COL8A1: variants seen among roughly 807,000 people sequenced by gnomAD.
COL8A1 encodes collagen alpha-1(VIII) chain.
COL8A1 carries 21 observed loss-of-function variants against 42.7 expected under a neutral mutation model. The observed-to-expected ratio is 0.49, with a 90% CI of 0.35 to 0.71. The LOEUF (loss-of-function observed/expected upper bound fraction) is 0.71, where lower values mean the gene tolerates loss of function less well. Ranked by LOEUF, COL8A1 falls within the 30% of genes least tolerant of loss-of-function variation. The probability of loss-of-function intolerance (pLI) is 0.01; values close to 1 mark genes in which losing one functional copy is unlikely to be tolerated. For missense variants in COL8A1, 788 were observed against 962.4 expected (o/e 0.82, Z 2.40); for synonymous variants, 367 against 369.1 (o/e 0.99, Z 0.06).
At chr3:99,785,742 G>A (rs1285143549) in intron 2 of COL8A1, among the ~76,000 whole-genome samples, 4 of 152,154 alleles carry the variant, frequency 2.6e-5, no homozygotes, top group East Asian at 1.9e-4. Flanking sequence ...GTGTGAAGAC[G>A]CAGGGAGGTG....
chr3:99,718,591 G>A (rs1312102646), intron 1 of COL8A1, among the ~76,000 whole-genome samples: 2 of 151,962 alleles, frequency 1.3e-5, no homozygotes, highest in African/African-American at 4.8e-5. Flanking sequence ...ACTTGAAACT[G>A]CCCAAGTGAC....
In COL8A1 at chr3:99,746,847, A is replaced by C. The variant is rs576889044; in HGVS notation, c.-4+1826A>C. 3.9e-5 allele frequency among the ~76,000 whole-genome samples: 6 copies of C among 152,344 alleles called. No individual in the cohort carries two copies. In the South Asian group the frequency reaches 1.0e-3, roughly 26 times the overall value. On this transcript the variant is annotated intron_variant, in intron 2 of 3. Coordinates refer to ENST00000652472, the MANE Select transcript of COL8A1 (RefSeq NM_020351.4). Reference sequence around the variant, plus strand: ...GATAAGTTTGTCAGTGAAAATAACCAGCTGAAAGTATTTTTAAATGAATTT... The same window carrying C: ...GATAAGTTTGTCAGTGAAAATAACCCGCTGAAAGTATTTTTAAATGAATTT...
At chr3:99,653,450 C>G (rs560768603) in intron 1 of COL8A1, among the ~76,000 whole-genome samples, 2 of 152,000 alleles carry the variant, frequency 1.3e-5, no homozygotes, top group Admixed American at 6.6e-5. Flanking sequence ...CAAATGGCAA[C>G]AGTTCAATCT....
At chr3:99,766,862 T>A (rs924250457) in intron 2 of COL8A1, among the ~76,000 whole-genome samples, 13 of 151,784 alleles carry the variant, frequency 8.6e-5, no homozygotes, top group Admixed American at 3.9e-4. Context: ...GGCAGGAGAA[T>A]CGCTTGAACT....
intron 1 of COL8A1, among the ~76,000 whole-genome samples, chr3:99,733,747 T>C (rs1370627760): frequency 6.6e-6 from 1 of 151,378 alleles, no homozygotes; most frequent in Non-Finnish European, 1.5e-5. Flanking sequence ...AGGGTTGAAC[T>C]AGTTTACAGT....
intron 1 of COL8A1, among the ~76,000 whole-genome samples, chr3:99,739,937 C>T (rs1170216431): frequency 3.3e-5 from 5 of 152,128 alleles, no homozygotes; most frequent in African/African-American, 4.8e-5. Flanking sequence ...AATCTTTATC[C>T]TCTGCTTCCT....
At chr3:99,712,703 A>C (rs1939874205) in intron 1 of COL8A1, among the ~76,000 whole-genome samples, 1 of 152,138 alleles carries the variant, frequency 6.6e-6, no homozygotes, top group Non-Finnish European at 1.5e-5. Context: ...CTAAGGAAGA[A>C]ATCCCAGAAC....
rs925359051 is a variant in COL8A1, at chr3:99,790,786, C to T, written c.104C>T (p.Pro35Leu). The T allele has an allele frequency of 1.4e-5, 23 of 1,614,028 alleles. No individual in the cohort carries two copies. Among genetic ancestry groups the T allele is most frequent in the Admixed American group, 3.3e-5 (2 of 60,004 alleles). ...IQAGAYYGIK[P>L]LPPQIPPQMP... The stretch of plus-strand genomic sequence containing the variant: ...GCTGGTGCCTACTATGGGATCAAGC[C>T]GCTGCCACCTCAAATTCCTCCTCAG... Residue 35 changes from proline to leucine, a missense_variant, in exon 3 of 4, where the codon CCG (proline) becomes CTG (leucine). Physicochemically the swap from Pro to Leu is moderately conservative, Grantham distance 98. This residue lies in a region of COL8A1 where 421 missense variants were observed against 553.1 expected (regional missense o/e 0.76). Transcript: ENST00000652472.
At chr3:99,759,363 TTCTAAA>T (rs1941322631) in intron 2 of COL8A1, among the ~76,000 whole-genome samples, 1 of 152,152 alleles carries the variant, frequency 6.6e-6, no homozygotes, top group African/African-American at 2.4e-5. Flanking sequence ...CTCTCAGAGC[TTCTAAA>T]ATTTATAAGG....
chr3:99,713,688 T>C (rs1939909542), intron 1 of COL8A1, among the ~76,000 whole-genome samples: 1 of 152,080 alleles, frequency 6.6e-6, no homozygotes, highest in Non-Finnish European at 1.5e-5. Context: ...TGTTTAATCC[T>C]TCTCTCAAGG....
chr3:99,751,475 C>T (rs1941147350), intron 2 of COL8A1, among the ~76,000 whole-genome samples: 1 of 152,142 alleles, frequency 6.6e-6, no homozygotes, highest in Non-Finnish European at 1.5e-5. Flanking sequence ...GGGAGAATTG[C>T]TTGAACCAGG....
rs1159571508 is a variant in COL8A1 at position 99,797,154 on chromosome 3, C to T, written c.*1018C>T. Reference sequence around the variant, plus strand: ...AATTCTCCTCCTTTGACTACACACACAACCACAGTGTGGTTCTAATCATGG... The same window carrying T: ...AATTCTCCTCCTTTGACTACACACATAACCACAGTGTGGTTCTAATCATGG... On this transcript the variant is annotated 3_prime_UTR_variant, in exon 4 of 4. Transcript: ENST00000652472. The T allele has an allele frequency of 6.6e-6, 1 of 152,226 alleles. No homozygotes were observed. Among genetic ancestry groups the T allele is most frequent in the African/African-American group, 2.4e-5 (1 of 41,462 alleles). The allele number at this position is 152,226 out of a possible 1,614,324, so 9.4% of individuals were successfully genotyped here.
At chr3:99,643,425 T>A (rs571151490) in intron 1 of COL8A1, among the ~76,000 whole-genome samples, 1 of 152,332 alleles carries the variant, frequency 6.6e-6, no homozygotes, top group East Asian at 1.9e-4. Context: ...AGCTGCTCAG[T>A]AAATCTGTGT....
At chr3:99,773,837 A>ATATATATATATATTTTTTTTT (rs1200212756) in intron 2 of COL8A1, among the ~76,000 whole-genome samples, 1 of 45,400 alleles carries the variant, frequency 2.2e-5, no homozygotes, top group Non-Finnish European at 3.6e-5. Context: ...ATATATATAT[A>ATATATATATATATTTTTTTTT]TTTTTTTTTT....
chr3:99,670,090 G>C lies in COL8A1; in HGVS notation c.-129+31426G>C, dbSNP rs549706522. Among the ~76,000 whole-genome samples, 71 of 152,004 alleles carry C rather than the reference G, an allele frequency of 4.7e-4. No individual in the cohort carries two copies. In the Middle Eastern group the frequency reaches 0.01, roughly 22 times the overall value. ...ATATCTGACTCAGCATTTTTGCCTT[G>C]GTGTGAAATATATACATATTCTTGT... On this transcript the variant is annotated intron_variant, in intron 1 of 3. Coordinates refer to ENST00000652472, the MANE Select transcript of COL8A1 (RefSeq NM_020351.4).
intron 1 of COL8A1, among the ~76,000 whole-genome samples, chr3:99,730,449 T>C (rs183573595): frequency 8.5e-5 from 13 of 152,252 alleles, no homozygotes; most frequent in Non-Finnish European, 1.3e-4. Flanking sequence ...TGAGTCTTGT[T>C]ATCATACCTG....
chr3:99,773,826 TATATATATA>T, intron 2 of COL8A1, among the ~76,000 whole-genome samples: 1 of 69,964 alleles, frequency 1.4e-5, no homozygotes, highest in African/African-American at 6.3e-5. Flanking sequence ...TATATATATA[TATATATATA>T]TATTTTTTTT....
At chr3:99,726,827 G>C (rs1940346313) in intron 1 of COL8A1, among the ~76,000 whole-genome samples, 1 of 152,076 alleles carries the variant, frequency 6.6e-6, no homozygotes, top group African/African-American at 2.4e-5. Flanking sequence ...TTGTAGTATA[G>C]TTTGAAGTCA....
chr3:99,738,347 T>A (rs1042884621), intron 1 of COL8A1, among the ~76,000 whole-genome samples: 1 of 152,218 alleles, frequency 6.6e-6, no homozygotes, highest in Non-Finnish European at 1.5e-5. Context: ...TTTCCCCATC[T>A]TTGTGGTTTT....
Sources: allele counts gnomAD v4.1 joint callset (sites outside exome capture counted in the v4.1 genomes callset), GRCh38; gene constraint gnomAD v4.1.1; regional missense constraint gnomAD v4.1.1; transcripts MANE v1.5; gene names NCBI Gene and HGNC (gene_info 2026-07-23, HGNC 2026-07-21).